The following MICAL3 variants were observed in gnomAD, a reference collection of about 807,000 sequenced individuals.
MICAL3 encodes the protein microtubule associated monooxygenase, calponin and LIM domain containing 3.
MICAL3 carries 62 observed loss-of-function variants against 207.4 expected under a neutral mutation model. That is an observed-to-expected ratio of 0.30 (90% CI 0.24 to 0.37). MICAL3 has a LOEUF of 0.37. MICAL3 is among the 10% of genes least tolerant of loss of function. MICAL3 has a pLI of 1.00. For missense variants in MICAL3, 2,368 were observed against 2,635.6 expected, an observed-to-expected ratio of 0.90 and a Z score of 2.22; for synonymous variants, 1,077 against 1,069.3, an observed-to-expected ratio of 1.01 and a Z score of -0.14.
At chr22:17,932,271 C>T (rs1246780742) in intron 1 of MICAL3, among the ~76,000 whole-genome samples, 4 of 152,150 alleles carry the variant, frequency 2.6e-5, no homozygotes, top group Non-Finnish European at 5.9e-5. Context: ...CAGACTAACG[C>T]GGATCTCTGG....
chr22:17,803,778 GGTTA>G (rs2061963050), intron 29 of MICAL3: 1 of 977,400 alleles, frequency 1.0e-6, no homozygotes, highest in Non-Finnish European at 1.2e-6. Context: ...GCGTCAGCGG[GGTTA>G]GTGTCAGCAC....
At chr22:17,863,853 C>G in intron 19 of MICAL3, 2 of 985,438 alleles carry the variant, frequency 2.0e-6, no homozygotes, top group Non-Finnish European at 2.4e-6. Context: ...ATGACCAACT[C>G]CTCCTCCACA....
intron 1 of MICAL3, among the ~76,000 whole-genome samples, chr22:17,971,539 TCATCTAGCATTCATCTAGCATA>T (rs1212258258): frequency 1.2e-4 from 18 of 152,188 alleles, no homozygotes; most frequent in Non-Finnish European, 2.1e-4. Flanking sequence ...CATCTAGCAT[TCATCTAGCATTCATCTAGCATA>T]CATCTAGCAT....
intron 1 of MICAL3, among the ~76,000 whole-genome samples, chr22:17,966,834 T>C (rs1935163781): frequency 6.6e-6 from 1 of 152,202 alleles, no homozygotes; most frequent in Admixed American, 6.5e-5. Context: ...CAGCTGGAAC[T>C]CAGGAAGCAG....
intron 1 of MICAL3, among the ~76,000 whole-genome samples, chr22:17,950,844 G>C (rs1273838948): frequency 6.6e-6 from 1 of 152,152 alleles, no homozygotes. Flanking sequence ...GCCACTACTT[G>C]GAAAGACTCA....
intron 22 of MICAL3, among the ~76,000 whole-genome samples, chr22:17,824,070 C>T (rs568156202): frequency 8.0e-5 from 12 of 150,250 alleles, no homozygotes; most frequent in African/African-American, 2.5e-4. Context: ...CCCCAGGAGC[C>T]GGCCCCTAAG....
intron 1 of MICAL3, among the ~76,000 whole-genome samples, chr22:18,014,861 C>T (rs988635192): frequency 2.0e-5 from 3 of 151,866 alleles, no homozygotes; most frequent in Non-Finnish European, 2.9e-5. Context: ...GGCGTGGTGG[C>T]GGGTGCCTGT....
intron 19 of MICAL3, among the ~76,000 whole-genome samples, chr22:17,852,951 T>C (rs1384419303): frequency 1.3e-5 from 2 of 151,962 alleles, no homozygotes; most frequent in South Asian, 2.1e-4. Context: ...GGTATGTGAC[T>C]GTAATCCCAG....
chr22:17,959,989 G>A (rs1453562386), intron 1 of MICAL3, among the ~76,000 whole-genome samples: 3 of 152,208 alleles, frequency 2.0e-5, no homozygotes, highest in Admixed American at 1.3e-4. Context: ...AGTGCACTCT[G>A]TAAGCAAAGA....
At chr22:17,795,988 G>A (rs1442669120) in intron 29 of MICAL3, among the ~76,000 whole-genome samples, 1 of 152,228 alleles carries the variant, frequency 6.6e-6, no homozygotes, top group Admixed American at 6.5e-5. Context: ...GAACAAAGAT[G>A]CTGTCAAGCT....
At chr22:17,825,166 T>C (rs142637554) in intron 22 of MICAL3, among the ~76,000 whole-genome samples, 66 of 152,320 alleles carry the variant, frequency 4.3e-4, no homozygotes, top group African/African-American at 1.5e-3. Flanking sequence ...GGCTCTCCTG[T>C]AGACTTTCTA....
At chr22:17,984,372 G>A (rs577915575) in intron 1 of MICAL3, among the ~76,000 whole-genome samples, 11 of 152,308 alleles carry the variant, frequency 7.2e-5, no homozygotes, top group African/African-American at 1.2e-4. Context: ...CTAATCCTGC[G>A]AACGCCTCTG....
chr22:17,974,596 C>A (rs1172891562), intron 1 of MICAL3, among the ~76,000 whole-genome samples: 1 of 152,086 alleles, frequency 6.6e-6, no homozygotes, highest in Non-Finnish European at 1.5e-5. Flanking sequence ...TGGTGGCACG[C>A]ACCTGTAATT....
At chr22:17,998,235 C>A (rs1922518202) in intron 1 of MICAL3, among the ~76,000 whole-genome samples, 1 of 152,062 alleles carries the variant, frequency 6.6e-6, no homozygotes, top group African/African-American at 2.4e-5. Flanking sequence ...ACCCAGGAGG[C>A]AGAGTGCATG....
Position 17,900,930 on chromosome 22 carries a change from A to G in MICAL3, c.759T>C (p.Asn253=), listed in dbSNP as rs753641215. ...CTTCCACTTTAGCTTCTGCTGTTGT[A>G]TTTCGGTTGATAAAATTTGCCGTGA... The part of the protein sequence containing the change: ...IAITANFINR[N]TTAEAKVEEI... Residue 253 remains asparagine (N), a synonymous_variant, in exon 6 of 32, where the codon AAT becomes AAC. Coordinates refer to ENST00000441493, the MANE Select transcript of MICAL3 (RefSeq NM_015241.3). The surrounding 1 kb of genome is among the most constrained non-coding windows in gnomAD (Gnocchi z 4.0). 2.7e-5 allele frequency: 44 copies of G among 1,614,016 alleles called. No homozygotes were observed. The highest frequency in any genetic ancestry group is 3.7e-5 in the Non-Finnish European group (44 of 1,179,868).
At chr22:17,813,421 A>T (rs1306520785) in intron 27 of MICAL3, 1 of 152,138 alleles carries the variant, frequency 6.6e-6, no homozygotes, top group Non-Finnish European at 1.5e-5. Context: ...CCTTGTGCGG[A>T]GCTGTGCTTC....
chr22:17,834,130 G>C (rs1387639983), intron 20 of MICAL3, among the ~76,000 whole-genome samples: 2 of 152,160 alleles, frequency 1.3e-5, no homozygotes, highest in African/African-American at 4.8e-5. Flanking sequence ...CCTCTTTTCA[G>C]CTGGCCATTT....
chr22:18,022,422 A>C (rs384024), intron 1 of MICAL3, among the ~76,000 whole-genome samples: 100,758 of 150,854 alleles, frequency 0.67, 34,709 homozygotes, highest in African/African-American at 0.85. Flanking sequence ...TCCGACCTGC[A>C]CCCCCACCCT....
At chr22:17,806,780 G>A (rs576154908) in intron 29 of MICAL3, among the ~76,000 whole-genome samples, 1 of 152,284 alleles carries the variant, frequency 6.6e-6, no homozygotes, top group East Asian at 1.9e-4. Context: ...GAAAACCACT[G>A]ACTTAGACGG....
Sources: gnomAD v4.1 joint callset for allele counts (sites outside exome capture counted in the v4.1 genomes callset) on GRCh38, gnomAD v4.1.1 for gene constraint, Gnocchi (gnomAD v3.1) non-coding constraint, MANE v1.5 for transcripts, NCBI Gene and HGNC (gene_info 2026-07-23, HGNC 2026-07-21) for gene names.